SESTD1: variants seen among roughly 807,000 people sequenced by gnomAD.
SESTD1 encodes the protein SEC14 domain and spectrin repeat-containing protein 1.
SESTD1 carries 43 observed loss-of-function variants against 101.7 expected under a neutral mutation model. That is an observed-to-expected ratio of 0.42 (90% CI 0.33 to 0.55). The LOEUF is 0.55. Ranked by LOEUF, SESTD1 falls within the 20% of genes least tolerant of loss-of-function variation. SESTD1 has a pLI of 0.07. For missense variants in SESTD1, 647 were observed against 815.1 expected (o/e 0.79, Z 2.51); for synonymous variants, 283 against 286.8 (o/e 0.99, Z 0.13).
intron 5 of SESTD1, among the ~76,000 whole-genome samples, chr2:179,152,269 G>GA (rs1407235379): frequency 6.6e-6 from 1 of 152,122 alleles, no homozygotes; most frequent in Non-Finnish European, 1.5e-5. Flanking sequence ...AGAAAGCTGA[G>GA]GTTACAGGGA....
At chr2:179,196,701 G>T (rs2046402104) in intron 1 of SESTD1, among the ~76,000 whole-genome samples, 3 of 152,176 alleles carry the variant, frequency 2.0e-5, no homozygotes, top group Admixed American at 2.0e-4. Context: ...GGGGCAGACT[G>T]ACACCTCACA....
intron 13 of SESTD1, among the ~76,000 whole-genome samples, chr2:179,120,538 A>T (rs569822629): frequency 2.0e-5 from 3 of 152,360 alleles, no homozygotes; most frequent in African/African-American, 7.2e-5. Flanking sequence ...AAAAACCAAG[A>T]AGAAACAGAG....
intron 1 of SESTD1, among the ~76,000 whole-genome samples, chr2:179,194,500 T>C (rs935260364): frequency 6.6e-6 from 1 of 152,122 alleles, no homozygotes; most frequent in African/African-American, 2.4e-5. Context: ...AGGACATGTA[T>C]ATTATTTTTT....
chr2:179,140,534 G>C (rs143492926), intron 9 of SESTD1, among the ~76,000 whole-genome samples: 9 of 152,266 alleles, frequency 5.9e-5, no homozygotes, highest in African/African-American at 1.7e-4. Flanking sequence ...AGAACTGCAA[G>C]AAAATAAATT....
intron 5 of SESTD1, among the ~76,000 whole-genome samples, chr2:179,156,904 T>C (rs938367572): frequency 1.3e-5 from 2 of 152,236 alleles, no homozygotes. Flanking sequence ...CCTAAGCCAA[T>C]GTCTAAAAGG....
intron 5 of SESTD1, among the ~76,000 whole-genome samples, chr2:179,156,730 C>T (rs545634733): frequency 6.6e-6 from 1 of 152,166 alleles, no homozygotes; most frequent in African/African-American, 2.4e-5. Context: ...TGTCCTTTAT[C>T]AGATGTATAG....
chr2:179,225,673 G>A (rs934572902), intron 1 of SESTD1, among the ~76,000 whole-genome samples: 16 of 152,120 alleles, frequency 1.1e-4, no homozygotes, highest in Non-Finnish European at 5.9e-5. Context: ...TATCGTCTAG[G>A]TGTCCTCACA....
At chr2:179,183,630 G>C (rs2046156972) in intron 2 of SESTD1, among the ~76,000 whole-genome samples, 1 of 152,054 alleles carries the variant, frequency 6.6e-6, no homozygotes, top group African/African-American at 2.4e-5. Context: ...TTTAGAAAAT[G>C]ATTAAGAGCT....
At chr2:179,175,701 C>T (rs2045999691) in intron 4 of SESTD1, among the ~76,000 whole-genome samples, 1 of 152,212 alleles carries the variant, frequency 6.6e-6, no homozygotes. Flanking sequence ...CCCTCCGCAT[C>T]ACTCAAATGT....
At chr2:179,179,401 C>G (rs1031730691) in intron 3 of SESTD1, among the ~76,000 whole-genome samples, 1 of 152,156 alleles carries the variant, frequency 6.6e-6, no homozygotes. Flanking sequence ...AAACGTGAAA[C>G]TGTCTAAACA....
Position 179,117,525 on chromosome 2 carries a change from T to A in SESTD1, c.1524+7A>T, listed in dbSNP as rs777245132. On this transcript the variant is annotated splice_region_variant and intron_variant, in intron 14 of 17. Transcript: ENST00000428443. ...TTAACTACATAATGTAGCTGACTGCTCCTTACCTGGGCAGCATCTTCTTCA... is the reference window on the plus strand; with the variant it reads ...TTAACTACATAATGTAGCTGACTGCACCTTACCTGGGCAGCATCTTCTTCA... 1 of 1,567,468 alleles carries A rather than the reference T, an allele frequency of 6.4e-7. No individual in the cohort carries two copies. Among genetic ancestry groups the A allele is most frequent in the South Asian group, 1.2e-5 (1 of 81,962 alleles).
At chr2:179,113,258 CTG>C (rs1228171806) in intron 16 of SESTD1, among the ~76,000 whole-genome samples, 1 of 152,094 alleles carries the variant, frequency 6.6e-6, no homozygotes, top group African/African-American at 2.4e-5. Context: ...GAGGTATAGA[CTG>C]TGTTCTCAAA....
intron 1 of SESTD1, among the ~76,000 whole-genome samples, chr2:179,195,201 A>C (rs1574025375): frequency 6.6e-6 from 1 of 152,192 alleles, no homozygotes; most frequent in South Asian, 2.1e-4. Flanking sequence ...CCATGTTTTG[A>C]GGAAGAGAAT....
intron 9 of SESTD1, among the ~76,000 whole-genome samples, chr2:179,141,079 CA>C (rs2045265871): frequency 6.6e-6 from 1 of 152,178 alleles, no homozygotes; most frequent in African/African-American, 2.4e-5. Flanking sequence ...CATTCACGCA[CA>C]GATGACAAAC....
intron 1 of SESTD1, among the ~76,000 whole-genome samples, chr2:179,244,234 A>T (rs949236645): frequency 2.0e-5 from 3 of 152,126 alleles, no homozygotes. Context: ...AGGCAGGTGA[A>T]TTGCTTGAGA....
At chr2:179,143,905 C>T in intron 8 of SESTD1, 102 bp from the exon 9 acceptor site, 1 of 1,165,722 alleles carries the variant, frequency 8.6e-7, no homozygotes, top group South Asian at 1.5e-5. Flanking sequence ...AACCTATCTA[C>T]CTACATATCT....
chr2:179,172,521 A>G (rs190501805), intron 4 of SESTD1, among the ~76,000 whole-genome samples: 23 of 152,312 alleles, frequency 1.5e-4, no homozygotes, highest in Non-Finnish European at 3.2e-4. Flanking sequence ...GTTTAGCTTA[A>G]ACTGTAAGAG....
At chr2:179,114,243 T>C (rs1388308196) in intron 16 of SESTD1, among the ~76,000 whole-genome samples, 1 of 152,220 alleles carries the variant, frequency 6.6e-6, no homozygotes, top group Non-Finnish European at 1.5e-5. Context: ...GAGTTAACTA[T>C]GGACCCTTCC....
intron 16 of SESTD1, among the ~76,000 whole-genome samples, chr2:179,113,974 G>A (rs987029513): frequency 1.3e-5 from 2 of 151,790 alleles, no homozygotes; most frequent in African/African-American, 4.8e-5. Flanking sequence ...GGTGGGGGGA[G>A]CTTCTGGGTG....
Sources: gnomAD v4.1 joint callset for allele counts (sites outside exome capture counted in the v4.1 genomes callset) on GRCh38, gnomAD v4.1.1 for gene constraint, MANE v1.5 for transcripts, NCBI Gene and HGNC (gene_info 2026-07-23, HGNC 2026-07-21) for gene names.